BDNF: variants seen among roughly 807,000 people sequenced by gnomAD.
BDNF encodes the protein neurotrophic factor BDNF precursor form.
BDNF carries 1 observed loss-of-function variant against 19.5 expected under a neutral mutation model. The observed-to-expected ratio is 0.05, with a 90% confidence interval of 0.02 to 0.24. The LOEUF (loss-of-function observed/expected upper bound fraction) is 0.24. BDNF is among the 10% of genes least tolerant of loss of function. The pLI, the probability that BDNF is intolerant of heterozygous loss-of-function variation, is 1.00. For missense variants in BDNF, 195 were observed against 317.6 expected (o/e 0.61, Z 2.93); for synonymous variants, 100 against 121.6 (o/e 0.82, Z 1.17).
Position 27,656,488 on chromosome 11 carries a change from G to C in BDNF, c.*1333C>G. The C allele has an allele frequency of 4.2e-6, 4 of 962,670 alleles. No homozygotes were observed. Among genetic ancestry groups the C allele is most frequent in the Non-Finnish European group, 4.9e-6 (4 of 809,024 alleles). The allele number at this position is 962,670 out of a possible 1,614,324, so 59.6% of individuals were successfully genotyped here. On this transcript the variant is annotated 3_prime_UTR_variant, in exon 2 of 2. Transcript: ENST00000356660. ...TCTGAAGGGTCCTTCAGAGGCCTTC[G>C]TTTTGGAATGTCTCAAATACCATGC... is the stretch of plus-strand genomic sequence containing the variant.
At position 27,661,974 on chromosome 11, in the gene BDNF, C is replaced by T. The variant is rs541547637; in HGVS notation, c.-21-3389G>A. Among the ~76,000 whole-genome samples, 113 of 148,980 alleles carry T rather than the reference C, an allele frequency of 7.6e-4. 1 individual carries two copies. The highest frequency in any genetic ancestry group is 2.6e-3 in the African/African-American group (108 of 41,278). ...CCCTAAAATTCCACATTACATCTTA[C>T]GTAGTACTTGATTCCCTTCTCACTT... On this transcript the variant is annotated intron_variant, in intron 1 of 1. Transcript: ENST00000356660.
chr11:27,667,306 C>CGT (rs899740568), intron 1 of BDNF, among the ~76,000 whole-genome samples: 3 of 152,160 alleles, frequency 2.0e-5, no homozygotes, highest in Non-Finnish European at 2.9e-5. Context: ...CCAGCCACTG[C>CGT]AAAAACATGC....
chr11:27,679,105 C>T (rs1489045058), intron 1 of BDNF, among the ~76,000 whole-genome samples: 1 of 152,196 alleles, frequency 6.6e-6, no homozygotes, highest in Non-Finnish European at 1.5e-5. Flanking sequence ...GTGCAAGGTG[C>T]CTAGTTCCAG....
chr11:27,671,192 G>C (rs964569856), intron 1 of BDNF, among the ~76,000 whole-genome samples: 1 of 151,980 alleles, frequency 6.6e-6, no homozygotes, highest in Non-Finnish European at 1.5e-5. Flanking sequence ...AGCATTAGGA[G>C]ATATACCTAA....
At chr11:27,694,670 C>G (rs1363678110) in intron 1 of BDNF, among the ~76,000 whole-genome samples, 1 of 148,160 alleles carries the variant, frequency 6.7e-6, no homozygotes, top group Non-Finnish European at 1.5e-5. Flanking sequence ...AATTTTCTTC[C>G]TTTTTCTTGT....
intron 1 of BDNF, chr11:27,699,729 T>C (rs1859667184): frequency 7.4e-7 from 1 of 1,359,972 alleles, no homozygotes; most frequent in African/African-American, 1.5e-5. Flanking sequence ...CCCCCGCAAG[T>C]CGGCGCGGGG....
chr11:27,700,861 T>C, upstream of BDNF: 1 of 1,265,608 alleles, frequency 7.9e-7, no homozygotes, highest in Non-Finnish European at 1.0e-6. Flanking sequence ...CGAGTGAGAA[T>C]CGCACGCCCC....
intron 1 of BDNF, among the ~76,000 whole-genome samples, chr11:27,687,235 G>A (rs948069042): frequency 6.6e-6 from 1 of 152,026 alleles, no homozygotes; most frequent in African/African-American, 2.4e-5. Flanking sequence ...CAGAGTTCTC[G>A]TGCTGTGTTT....
chr11:27,660,476 G>A (rs892199666), intron 1 of BDNF, among the ~76,000 whole-genome samples: 3 of 152,092 alleles, frequency 2.0e-5, no homozygotes, highest in African/African-American at 7.2e-5. Context: ...ATCGTCCATG[G>A]GGGTTTCTAT....
At chr11:27,713,951 A>G (rs1860428321) in intron 1 of BDNF, among the ~76,000 whole-genome samples, 1 of 152,216 alleles carries the variant, frequency 6.6e-6, no homozygotes, top group South Asian at 2.1e-4. Flanking sequence ...TTTTATTTTT[A>G]AATTAATACT....
chr11:27,704,300 T>A (rs1217106901), upstream of BDNF, among the ~76,000 whole-genome samples: 1 of 152,246 alleles, frequency 6.6e-6, no homozygotes, highest in East Asian at 1.9e-4. Context: ...TGTTCTAATA[T>A]GATCCTAACC....
At position 27,709,348 on chromosome 11, in the gene BDNF, A is replaced by C. The variant is rs561373108; in HGVS notation, c.3+12064T>G. ...AGTTTCAAGTTTTAGCTAGTGTCTC[A>C]ATAGTCATAAAGTAACTATAGGATA... On this transcript the variant is annotated intron_variant, in intron 1 of 1. Transcript: ENST00000314915. 9.2e-5 allele frequency among the ~76,000 whole-genome samples: 14 copies of C among 152,314 alleles called. No individual in the cohort carries two copies. The East Asian group carries it at 2.7e-3, about 29-fold the overall frequency.
chr11:27,717,762 T>C (rs545366520), intron 1 of BDNF, among the ~76,000 whole-genome samples: 6 of 152,252 alleles, frequency 3.9e-5, no homozygotes, highest in African/African-American at 1.2e-4. Context: ...AAGAGCTCTT[T>C]GTAAATACAC....
At position 27,658,638 on chromosome 11, in the gene BDNF, C is replaced by G; in HGVS notation, c.-21-53G>C. The G allele has an allele frequency of 6.2e-7, 1 of 1,613,810 alleles. No individual in the cohort carries two copies. Among genetic ancestry groups the G allele is most frequent in the Non-Finnish European group, 8.5e-7 (1 of 1,179,960 alleles). ...GAAAACTGGTTAGGGCTTTCTTTCA[C>G]CGGGATGCCATGTGGCCCATCTGAT... is the stretch of plus-strand genomic sequence containing the variant. On this transcript the variant is annotated intron_variant, in intron 1 of 1. Transcript: ENST00000356660. This position sits in a 1 kb window ranked among gnomAD's most constrained non-coding sequence, Gnocchi z 5.7.
At chr11:27,664,059 C>T (rs1853914977) in intron 1 of BDNF, among the ~76,000 whole-genome samples, 1 of 151,924 alleles carries the variant, frequency 6.6e-6, no homozygotes. Context: ...TTGTTTGTTC[C>T]CAGCCCCTTT....
Position 27,656,612 on chromosome 11 carries a change from A to C in BDNF, c.*1209T>G. On this transcript the variant is annotated 3_prime_UTR_variant, in exon 2 of 2. Coordinates refer to ENST00000356660, the MANE Select transcript of BDNF (RefSeq NM_001709.5). The stretch of plus-strand genomic sequence containing the variant: ...CCACATAGCCTCCATTTGGCTGTTC[A>C]GTCTCATGTCACTGGCAATGTGGAT... 3 of 985,798 alleles carry C rather than the reference A, an allele frequency of 3.0e-6. No homozygotes were observed. Among genetic ancestry groups the C allele is most frequent in the South Asian group, 4.7e-5 (1 of 21,274 alleles). The allele number at this position is 985,798 out of a possible 1,614,324, so 61.1% of individuals were successfully genotyped here.
Position 27,658,355 on chromosome 11 carries a change from C to T in BDNF, c.210G>A (p.Leu70=). ...ADTFEHVIEE[L]LDEDQKVRPN... ...GCCGAACTTTCTGGTCCTCATCCAA[C>T]AGCTCTTCTATCACGTGTTCGAAAG... Residue 70 remains leucine, a synonymous_variant, in exon 2 of 2, where the codon CTG becomes CTA. Coordinates refer to ENST00000356660, the MANE Select transcript of BDNF (RefSeq NM_001709.5). The surrounding 1 kb of genome is among the most constrained non-coding windows in gnomAD (Gnocchi z 5.7). 6.2e-7 allele frequency: 1 copy of T among 1,614,172 alleles called. No homozygotes were observed. The highest frequency in any genetic ancestry group is 8.5e-7 in the Non-Finnish European group (1 of 1,180,012).
At chr11:27,708,360 T>C (rs2134100619) in intron 1 of BDNF, among the ~76,000 whole-genome samples, 1 of 152,328 alleles carries the variant, frequency 6.6e-6, no homozygotes, top group South Asian at 2.1e-4. Context: ...ACACAAAAAC[T>C]AATTAGAGCA....
At chr11:27,684,646 T>C (rs1379281128) in intron 1 of BDNF, among the ~76,000 whole-genome samples, 1 of 152,226 alleles carries the variant, frequency 6.6e-6, no homozygotes, top group African/African-American at 2.4e-5. Flanking sequence ...TTTCTGCATC[T>C]ATTGAAATAA....
Sources: allele counts gnomAD v4.1 joint callset (sites outside exome capture counted in the v4.1 genomes callset), GRCh38; gene constraint gnomAD v4.1.1; non-coding constraint Gnocchi (gnomAD v3.1); transcripts MANE v1.5; gene names NCBI Gene and HGNC (gene_info 2026-07-23, HGNC 2026-07-21).